The following MGAM variants were observed in gnomAD, a reference collection of about 807,000 sequenced individuals.
MGAM encodes maltase-glucoamylase.
In MGAM, 253 loss-of-function variants were observed where a neutral mutation model predicts 358.8. The observed-to-expected ratio is 0.71, with a 90% CI of 0.64 to 0.78. The LOEUF is 0.78. MGAM is among the 30% of genes least tolerant of loss of function. The pLI is 0.00. For synonymous variants in MGAM, 1,105 were observed against 1,227.1 expected, an observed-to-expected ratio of 0.90 and a Z score of 2.08; for missense variants, 3,080 against 3,432.6, an observed-to-expected ratio of 0.90 and a Z score of 2.57.
At chr7:142,100,278 A>G (rs1166036717) in intron 67 of MGAM, among the ~76,000 whole-genome samples, 1 of 152,204 alleles carries the variant, frequency 6.6e-6, no homozygotes, top group African/African-American at 2.4e-5. Context: ...TGTTACCACC[A>G]TTTCATAGAT....
At chr7:142,028,817 T>G (rs1807199364) in intron 10 of MGAM, among the ~76,000 whole-genome samples, 2 of 151,490 alleles carry the variant, frequency 1.3e-5, no homozygotes, top group South Asian at 4.2e-4. Context: ...GACGTTTGGG[T>G]GGATGAATTC....
rs1197433906 is a variant in MGAM at position 142,094,878 on chromosome 7, C to G, written c.7458+15C>G. 6 of 1,611,520 alleles carry G rather than the reference C, an allele frequency of 3.7e-6. No homozygotes were observed. The highest frequency in any genetic ancestry group is 5.1e-6 in the Non-Finnish European group (6 of 1,177,940). On this transcript the variant is annotated intron_variant, in intron 63 of 70. Transcript: ENST00000475668. ...TTGGGACCAGGGTAGGACAGTGGCC[C>G]CTACCTCCAGTGTTTCACTTGAAAC...
intron 26 of MGAM, among the ~76,000 whole-genome samples, chr7:142,054,255 A>G (rs989402282): frequency 4.6e-5 from 7 of 152,212 alleles, no homozygotes; most frequent in African/African-American, 1.7e-4. Flanking sequence ...TCGTAAAACC[A>G]TAACACTGCC....
At chr7:141,987,007 A>C (rs960210192) in intron 2 of MGAM, among the ~76,000 whole-genome samples, 16 of 152,196 alleles carry the variant, frequency 1.1e-4, no homozygotes, top group Admixed American at 9.8e-4. Context: ...GTAGACTATG[A>C]TTAGACATTT....
chr7:142,089,637 A>G (rs1199337395), intron 57 of MGAM, among the ~76,000 whole-genome samples: 2 of 145,444 alleles, frequency 1.4e-5, no homozygotes, highest in Non-Finnish European at 3.1e-5. Context: ...CTAAAAATAC[A>G]AAAGTTAGCC....
At chr7:142,016,781 C>T (rs1429687701) in intron 3 of MGAM, among the ~76,000 whole-genome samples, 5 of 151,988 alleles carry the variant, frequency 3.3e-5, no homozygotes, top group East Asian at 1.9e-4. Context: ...TTAGTAGAGA[C>T]GGGGTTTCAC....
At chr7:142,086,042 A>G (rs1171857480) in intron 55 of MGAM, 81 bp downstream of exon 55, 3 of 1,509,000 alleles carry the variant, frequency 2.0e-6, no homozygotes, top group East Asian at 2.3e-5. Flanking sequence ...CTTTATTTCC[A>G]TGTTGCAAGT....
chr7:142,019,230 A>T lies in MGAM; in HGVS notation c.359A>T (p.Asn120Ile), dbSNP rs576626552. ...TGTGACCAACGTGGCTGTTGCTGGA[A>T]TCCCCAGGGAGCTGTAAGTGTTCCC... ...ATCDQRGCCWNPQGAVSVPWC... is the reference protein window; with the variant it reads ...ATCDQRGCCWIPQGAVSVPWC... The change falls in exon 4 of 71, where the codon AAT becomes ATT. Residue 120 changes from asparagine to isoleucine, a missense_variant. This residue lies in a region of MGAM where 1,816 missense variants were observed against 1,840.5 expected (regional missense o/e 0.99). Coordinates refer to ENST00000475668, the MANE Select transcript of MGAM (RefSeq NM_001365693.1). The T allele has an allele frequency of 9.3e-6, 15 of 1,613,586 alleles. No individual in the cohort carries two copies. Among genetic ancestry groups the T allele is most frequent in the Non-Finnish European group, 1.3e-5 (15 of 1,179,642 alleles).
At position 142,092,665 on chromosome 7, in the gene MGAM, T is replaced by A. The variant is rs1156409751; in HGVS notation, c.7033+57T>A. 7.7e-6 allele frequency: 11 copies of A among 1,427,630 alleles called. 2 individuals carry two copies. The African/African-American group carries it at 1.2e-4, about 16-fold the overall frequency. 88.4% of individuals were successfully genotyped at this position (1,427,630 alleles called of 1,614,324 possible). A position where few individuals can be genotyped will look rare whatever the true frequency, so the allele number is the denominator to read the frequency against. ...GCCATGATTGAAAGAAGGATTACAC[T>A]GGAGGAGCCCGAGGCCAGGGGTGGC... On this transcript the variant is annotated intron_variant, in intron 59 of 70. Coordinates refer to ENST00000475668, the MANE Select transcript of MGAM (RefSeq NM_001365693.1).
intron 4 of MGAM, among the ~76,000 whole-genome samples, 196 bp from the exon 5 acceptor site, chr7:142,020,778 G>A (rs529617389): frequency 8.6e-5 from 13 of 151,904 alleles, no homozygotes; most frequent in African/African-American, 2.4e-4. Flanking sequence ...ATTTTTAGTA[G>A]AGATGGGGTT....
At position 142,037,045 on chromosome 7, in the gene MGAM, A is replaced by G. The variant is rs73542749; in HGVS notation, c.2231+68A>G. 7,654 of 1,486,686 alleles carry G rather than the reference A, an allele frequency of 5.1e-3. 299 individuals are homozygous for G. In the African/African-American group the frequency reaches 0.083, roughly 16 times the overall value. The allele number at this position is 1,486,686 out of a possible 1,614,324, so 92.1% of individuals were successfully genotyped here. ...AATGACATTGACTATATCATCAAAT[A>G]TCAGAGTGAAAACTGAAACAATTCA... On this transcript the variant is annotated intron_variant, in intron 18 of 70. Transcript: ENST00000475668.
intron 1 of MGAM, among the ~76,000 whole-genome samples, chr7:141,998,831 C>T (rs1008149197): frequency 2.6e-4 from 40 of 152,134 alleles, no homozygotes; most frequent in African/African-American, 4.1e-4. Context: ...GGAATTGCCA[C>T]GCTGTCTTCC....
chr7:142,081,383 G>A (rs1213912622), intron 50 of MGAM, among the ~76,000 whole-genome samples: 1 of 139,500 alleles, frequency 7.2e-6, no homozygotes, highest in African/African-American at 2.5e-5. Flanking sequence ...AGTAGATCTC[G>A]CCAAGAAGGT....
chr7:142,064,267 G>A, intron 36 of MGAM, 117 bp from the exon 37 acceptor site: 1 of 1,442,836 alleles, frequency 6.9e-7, no homozygotes, highest in African/African-American at 1.4e-5. Flanking sequence ...GGGAGATGGA[G>A]AGCGACACAG....
Position 142,093,509 on chromosome 7 carries a change from G to T in MGAM, c.7131G>T (p.Val2377=). 1 of 1,509,176 alleles carries T rather than the reference G, an allele frequency of 6.6e-7. No individual in the cohort carries two copies. The allele number at this position is 1,509,176 out of a possible 1,614,324, so 93.5% of individuals were successfully genotyped here. ...PDGSPVQHYN[V]HNLYGWSQTR... The stretch of plus-strand genomic sequence containing the variant: ...GCTCCCCGGTGCAGCACTACAATGT[G>T]CACAACCTGTACGGGTGGTCCCAGA... Residue 2377 remains valine, a synonymous_variant, in exon 60 of 71, where the codon GTG becomes GTT. Transcript: ENST00000475668.
In MGAM at chr7:142,082,234, T is replaced by C; in HGVS notation, c.6171+24T>C. 3 of 1,545,898 alleles carry C rather than the reference T, an allele frequency of 1.9e-6. 1 individual carries two copies. Among genetic ancestry groups the C allele is most frequent in the Non-Finnish European group, 1.8e-6 (2 of 1,127,388 alleles). ...GGGTAAGGACAGAGCATTTGAGATCTGTGTCTCTGCTTCTCTCCACCCACA... is the reference window on the plus strand; with the variant it reads ...GGGTAAGGACAGAGCATTTGAGATCCGTGTCTCTGCTTCTCTCCACCCACA... On this transcript the variant is annotated intron_variant, in intron 51 of 70. Transcript: ENST00000475668.
chr7:142,045,852 T>C (rs185098486), intron 21 of MGAM, among the ~76,000 whole-genome samples: 3 of 116,440 alleles, frequency 2.6e-5, no homozygotes, highest in East Asian at 2.3e-4. Flanking sequence ...CAATATGTAA[T>C]ATATATATTA....
intron 21 of MGAM, among the ~76,000 whole-genome samples, chr7:142,045,210 C>T (rs1395625789): frequency 8.8e-5 from 1 of 11,368 alleles, no homozygotes; most frequent in Non-Finnish European, 1.7e-4. Context: ...TATTATATAA[C>T]ATATATGTAT....
intron 1 of MGAM, among the ~76,000 whole-genome samples, chr7:141,998,606 A>G (rs562737569): frequency 5.3e-5 from 8 of 152,150 alleles, no homozygotes; most frequent in Non-Finnish European, 8.8e-5. Flanking sequence ...TTATGACTGC[A>G]TAGTATTTCA....
Sources: allele counts gnomAD v4.1 joint callset (sites outside exome capture counted in the v4.1 genomes callset), GRCh38; gene constraint gnomAD v4.1.1; regional missense constraint gnomAD v4.1.1; transcripts MANE v1.5; gene names NCBI Gene and HGNC (gene_info 2026-07-23, HGNC 2026-07-21).